ACYP2: variants seen among roughly 807,000 people sequenced by gnomAD.
ACYP2 encodes acylphosphatase 2, also known as acylphosphatase-2.
ACYP2 carries 12 observed loss-of-function variants against 11.2 expected under a neutral mutation model. The ratio of observed to expected loss-of-function variants is 1.08; its 90% CI spans 0.69 to 1.74. The LOEUF (loss-of-function observed/expected upper bound fraction) is 1.74. ACYP2 is among the 40% of genes most tolerant of loss of function. ACYP2 has a pLI of 0.00. For missense variants in ACYP2, 134 were observed against 101.9 expected (o/e 1.31, Z -1.35); for synonymous variants, 43 against 32.2 (o/e 1.33, Z -1.13).
At chr2:54,154,145 C>T (rs533704194) in intron 6 of ACYP2, among the ~76,000 whole-genome samples, 1 of 151,826 alleles carries the variant, frequency 6.6e-6, no homozygotes, top group African/African-American at 2.4e-5. Flanking sequence ...CTGATTTTTG[C>T]GTGTTGACTT....
chr2:54,048,989 C>T (rs945087217), intron 2 of ACYP2, among the ~76,000 whole-genome samples: 1 of 152,052 alleles, frequency 6.6e-6, no homozygotes, highest in Non-Finnish European at 1.5e-5. Flanking sequence ...AAGTAATGAG[C>T]TGGGGCCAGG....
intron 6 of ACYP2, among the ~76,000 whole-genome samples, chr2:54,178,813 C>G (rs1254224579): frequency 6.6e-6 from 1 of 152,174 alleles, no homozygotes; most frequent in Non-Finnish European, 1.5e-5. Context: ...AAGATTGGAA[C>G]AAAGTAACCA....
chr2:54,255,542 G>C (rs532273037), intron 6 of ACYP2: 5 of 1,613,424 alleles, frequency 3.1e-6, no homozygotes, highest in Non-Finnish European at 4.2e-6. Flanking sequence ...GACTCCAGGG[G>C]GTTCAGGTGG....
chr2:53,973,262 A>G (rs1029634452), intron 1 of ACYP2, among the ~76,000 whole-genome samples: 2 of 152,296 alleles, frequency 1.3e-5, no homozygotes, highest in Non-Finnish European at 2.9e-5. Context: ...GACAAATGGG[A>G]AGTGAATAAA....
intron 6 of ACYP2, among the ~76,000 whole-genome samples, chr2:54,301,079 C>T (rs1056776881): frequency 2.6e-5 from 4 of 152,054 alleles, no homozygotes; most frequent in African/African-American, 4.8e-5. Context: ...ATATGCCATA[C>T]GTATATTAAT....
At chr2:54,193,336 T>C (rs1684316631) in intron 6 of ACYP2, among the ~76,000 whole-genome samples, 1 of 152,210 alleles carries the variant, frequency 6.6e-6, no homozygotes, top group South Asian at 2.1e-4. Flanking sequence ...TTAAAACAAG[T>C]CTATAAAATG....
chr2:54,267,442 G>A (rs367672771), intron 6 of ACYP2: 1 of 1,333,352 alleles, frequency 7.5e-7, no homozygotes, highest in Non-Finnish European at 1.0e-6. Flanking sequence ...GAGGGAGAAG[G>A]AATTGGGAGC....
chr2:54,127,219 C>G (rs997732635), intron 4 of ACYP2, among the ~76,000 whole-genome samples: 1 of 151,788 alleles, frequency 6.6e-6, no homozygotes, highest in Non-Finnish European at 1.5e-5. Flanking sequence ...ATAATCATCC[C>G]CTATTAAGGT....
At chr2:54,192,179 C>T (rs1684267074) in intron 6 of ACYP2, among the ~76,000 whole-genome samples, 1 of 152,088 alleles carries the variant, frequency 6.6e-6, no homozygotes, top group Non-Finnish European at 1.5e-5. Flanking sequence ...TACATACACA[C>T]ATATCAGTGT....
intron 4 of ACYP2, among the ~76,000 whole-genome samples, chr2:54,128,479 G>A (rs1680678855): frequency 6.6e-6 from 1 of 152,162 alleles, no homozygotes; most frequent in Admixed American, 6.6e-5. Context: ...ACTAGCCTGA[G>A]CAGCATAGTC....
intron 3 of ACYP2, among the ~76,000 whole-genome samples, chr2:54,056,577 A>C (rs1178977382): frequency 6.6e-6 from 1 of 152,212 alleles, no homozygotes. Context: ...AATGAATGAT[A>C]TCTTTCTTTG....
intron 6 of ACYP2, among the ~76,000 whole-genome samples, chr2:54,247,527 T>G (rs843645): frequency 0.2 from 30,174 of 152,118 alleles, 3,246 homozygotes; most frequent in South Asian, 0.43. Context: ...CTACTGTATC[T>G]TATATTCATT....
chr2:54,207,031 C>T (rs1685099587), intron 6 of ACYP2, among the ~76,000 whole-genome samples: 1 of 150,334 alleles, frequency 6.7e-6, no homozygotes, highest in Non-Finnish European at 1.5e-5. Context: ...TATATGTGTG[C>T]ATGTACATGT....
chr2:54,242,943 A>G (rs935462996), intron 6 of ACYP2, among the ~76,000 whole-genome samples: 1 of 152,236 alleles, frequency 6.6e-6, no homozygotes, highest in African/African-American at 2.4e-5. Context: ...AGCACCCTTT[A>G]GCAAACTCCT....
intron 6 of ACYP2, among the ~76,000 whole-genome samples, chr2:54,287,330 G>A (rs1421916736): frequency 1.3e-5 from 2 of 151,910 alleles, no homozygotes; most frequent in Non-Finnish European, 2.9e-5. Context: ...CCATGCATAA[G>A]GGCCCCCCCT....
intron 6 of ACYP2, among the ~76,000 whole-genome samples, chr2:54,212,435 G>A (rs1204101624): frequency 1.3e-5 from 2 of 152,016 alleles, no homozygotes; most frequent in African/African-American, 2.4e-5. Flanking sequence ...TTCCCTGCAC[G>A]GCTGACTGAG....
At chr2:54,219,857 A>ATGTGTGTGTGTGTGTG (rs771365126) in intron 6 of ACYP2, among the ~76,000 whole-genome samples, 2 of 41,034 alleles carry the variant, frequency 4.9e-5, no homozygotes, top group Non-Finnish European at 4.3e-5. Context: ...GTGTATATAG[A>ATGTGTGTGTGTGTGTG]TGTGTGTGTG....
At chr2:54,295,636 G>C (rs1192735492) in intron 6 of ACYP2, among the ~76,000 whole-genome samples, 2 of 151,960 alleles carry the variant, frequency 1.3e-5, no homozygotes, top group Non-Finnish European at 2.9e-5. Context: ...ATTTCTTTAA[G>C]TTTTATTTTA....
chr2:54,274,186 C>G lies in ACYP2; in HGVS notation c.405-30502C>G, dbSNP rs184855068. On this transcript the variant is annotated intron_variant, in intron 6 of 6. Transcript: ENST00000607452. ...CAGTCACATCTTACATGGATGGCAG[C>G]AGGCAAGAAAAGAGAGCTTGTGCAG... is the stretch of plus-strand genomic sequence containing the variant. 1.8e-3 allele frequency among the ~76,000 whole-genome samples: 280 copies of G among 152,274 alleles called. 1 individual carries two copies. The highest frequency in any genetic ancestry group is 6.6e-3 in the African/African-American group (274 of 41,560).
Sources: allele counts gnomAD v4.1 joint callset (sites outside exome capture counted in the v4.1 genomes callset), GRCh38; gene constraint gnomAD v4.1.1; transcripts MANE v1.5; gene names NCBI Gene and HGNC (gene_info 2026-07-23, HGNC 2026-07-21).